Variants in CCT7 observed in about 807,000 individuals in gnomAD.
CCT7 encodes T-complex protein 1 subunit eta.
In CCT7, 16 loss-of-function variants were observed where a neutral mutation model predicts 56.6. The observed-to-expected ratio is 0.28, with a 90% CI of 0.19 to 0.43. The LOEUF (loss-of-function observed/expected upper bound fraction) is 0.43, where lower values mean the gene tolerates loss of function less well. Among genes scored for constraint, CCT7 ranks in the 20% least tolerant of loss-of-function variants. CCT7 has a pLI of 1.00. For missense variants in CCT7, 519 were observed against 685.6 expected (o/e 0.76, Z 2.71); for synonymous variants, 262 against 254.8 (o/e 1.03, Z -0.27).
At chr2:73,242,982 A>G (rs1341642645) in intron 3 of CCT7, 22 bp from the exon 4 acceptor site, 4 of 1,613,300 alleles carry the variant, frequency 2.5e-6, no homozygotes, top group South Asian at 1.1e-5. Flanking sequence ...GAAAACGTGT[A>G]TTTCCTGTCA....
At chr2:73,251,473 T>TTGGGGGGGGG in intron 11 of CCT7, 41 bp downstream of exon 11, 2 of 449,640 alleles carry the variant, frequency 4.4e-6, no homozygotes, top group African/African-American at 2.5e-5. Context: ...TTTGGGCGGG[T>TTGGGGGGGGG]GGGGCTAGAT....
chr2:73,250,516 G>A, intron 10 of CCT7, 78 bp downstream of exon 10: 1 of 1,539,658 alleles, frequency 6.5e-7, no homozygotes, highest in Non-Finnish European at 8.9e-7. Flanking sequence ...GGATTTGTGT[G>A]GTGATTCCTT....
At chr2:73,240,362 G>A (rs1426793234) in intron 2 of CCT7, 75 bp from the exon 3 acceptor site, 3 of 1,013,538 alleles carry the variant, frequency 3.0e-6, no homozygotes, top group East Asian at 2.5e-5. Context: ...CCAGTAAAGT[G>A]TAGATGGGTT....
chr2:73,252,614 C>T (rs1159611472), intron 11 of CCT7, 26 bp from the exon 12 acceptor site: 1 of 1,562,974 alleles, frequency 6.4e-7, no homozygotes, highest in Admixed American at 1.7e-5. Context: ...TTCCATATTA[C>T]CTCCTTTCTT....
At chr2:73,243,734 C>A in intron 4 of CCT7, 1 of 455,380 alleles carries the variant, frequency 2.2e-6, no homozygotes, top group Non-Finnish European at 3.9e-6. Flanking sequence ...AGCGTGTTAC[C>A]TGCAGACCCA....
At chr2:73,236,068 C>G (rs992170419) in intron 1 of CCT7, among the ~76,000 whole-genome samples, 1 of 152,198 alleles carries the variant, frequency 6.6e-6, no homozygotes, top group African/African-American at 2.4e-5. Context: ...CCCTGATATT[C>G]TAGAATACTT....
At position 73,252,845 on chromosome 2, in the gene CCT7, G is replaced by C. The variant is rs373577960; in HGVS notation, c.1616G>C (p.Arg539Pro). The C allele has an allele frequency of 2.2e-5, 36 of 1,613,478 alleles. No homozygotes were observed. The highest frequency in any genetic ancestry group is 3.0e-5 in the Non-Finnish European group (35 of 1,179,680). Residue 539 changes from arginine to proline, a missense_variant, in exon 12 of 12, where the codon CGT becomes CCT. Arg to Pro is a moderately radical substitution (Grantham distance 103). This residue lies in a region of CCT7 where 237 missense variants were observed against 300.8 expected (regional missense o/e 0.79). Coordinates refer to ENST00000258091, the MANE Select transcript of CCT7 (RefSeq NM_006429.4). ...APTAAGRGRG[R>P]GRPH ...ACAGCAGCAGGCCGGGGCCGTGGTC[G>C]TGGCCGCCCCCACTGAGAGGCACCC...
intron 1 of CCT7, among the ~76,000 whole-genome samples, chr2:73,237,336 G>A (rs570192574): frequency 6.6e-6 from 1 of 152,324 alleles, no homozygotes; most frequent in South Asian, 2.1e-4. Context: ...GTGAGAAAAA[G>A]TATACACAAG....
In CCT7 at chr2:73,244,064, G is replaced by GT. The variant is rs1432128478; in HGVS notation, c.446+15_446+16insT. ...GCAGATAAAGTGTAAGTCTGTAGTG[G>GT]GTTTTTTTTTTTTTTTTTAAAGAGA... On this transcript the variant is annotated intron_variant, in intron 5 of 11. Coordinates refer to ENST00000258091, the MANE Select transcript of CCT7 (RefSeq NM_006429.4). 6.3e-7 allele frequency: 1 copy of GT among 1,579,908 alleles called. No individual in the cohort carries two copies. The highest frequency in any genetic ancestry group is 8.6e-7 in the Non-Finnish European group (1 of 1,166,412).
chr2:73,242,707 C>G (rs1007312978), intron 3 of CCT7, among the ~76,000 whole-genome samples: 12 of 152,200 alleles, frequency 7.9e-5, no homozygotes, highest in African/African-American at 2.9e-4. Flanking sequence ...AACATAAGTT[C>G]TCAGTTCATG....
At chr2:73,235,241 A>G (rs1574350092) in intron 1 of CCT7, among the ~76,000 whole-genome samples, 2 of 152,180 alleles carry the variant, frequency 1.3e-5, no homozygotes, top group South Asian at 4.2e-4. Flanking sequence ...TCGGAGCTTT[A>G]GATACTTTCC....
At chr2:73,244,368 G>T in intron 5 of CCT7, 176 bp from the exon 6 acceptor site, 1 of 615,806 alleles carries the variant, frequency 1.6e-6, no homozygotes, top group South Asian at 2.2e-5. Context: ...CCACATATGA[G>T]ATCTTTGACT....
chr2:73,240,665 T>TATA, intron 3 of CCT7, 122 bp downstream of exon 3: 1 of 489,864 alleles, frequency 2.0e-6, no homozygotes, highest in Non-Finnish European at 3.5e-6. Flanking sequence ...AATACATGCT[T>TATA]ATAAAAGTAT....
rs1187358744 is a variant in CCT7 at position 73,252,834 on chromosome 2, G to GGGCCGTGGTCGT, written c.1611_1622dup (p.Gly538_Arg541dup). Reference sequence around the variant, plus strand: ...TGGATGCTCCCACAGCAGCAGGCCGGGGCCGTGGTCGTGGCCGCCCCCACT... The same window carrying GGGCCGTGGTCGT: ...TGGATGCTCCCACAGCAGCAGGCCGGGGCCGTGGTCGTGGCCGTGGTCGTGGCCGCCCCCACT... On this transcript the variant is annotated inframe_insertion, in exon 12 of 12. Transcript: ENST00000258091. 6.2e-7 allele frequency: 1 copy of GGGCCGTGGTCGT among 1,613,968 alleles called. No homozygotes were observed. Among genetic ancestry groups the GGGCCGTGGTCGT allele is most frequent in the African/African-American group, 1.3e-5 (1 of 75,048 alleles).
At chr2:73,240,628 A>AT in intron 3 of CCT7, 85 bp downstream of exon 3, 2 of 638,780 alleles carry the variant, frequency 3.1e-6, no homozygotes, top group Non-Finnish European at 5.0e-6. Flanking sequence ...TTTTTTTAAG[A>AT]TTTTATATAA....
At chr2:73,248,860 C>A in intron 7 of CCT7, 131 bp from the exon 8 acceptor site, 3 of 702,270 alleles carry the variant, frequency 4.3e-6, no homozygotes, top group East Asian at 2.8e-5. Context: ...AGTAGCTATT[C>A]TGTTTATCTC....
At chr2:73,238,028 A>G (rs1485278793) in intron 1 of CCT7, among the ~76,000 whole-genome samples, 1 of 152,184 alleles carries the variant, frequency 6.6e-6, no homozygotes. Flanking sequence ...TCTCTTAGAA[A>G]TATATATTAA....
intron 1 of CCT7, among the ~76,000 whole-genome samples, chr2:73,236,203 AC>A (rs1415031157): frequency 1.3e-5 from 2 of 152,250 alleles, no homozygotes; most frequent in Non-Finnish European, 2.9e-5. Context: ...GCATAGACAC[AC>A]TTGTTTTGTA....
At chr2:73,251,459 A>AC in intron 11 of CCT7, 27 bp downstream of exon 11, 2 of 515,404 alleles carry the variant, frequency 3.9e-6, no homozygotes, top group Non-Finnish European at 7.3e-6. Context: ...CCCAGGGTTC[A>AC]GGGTTTGGGC....
Sources: gnomAD v4.1 joint callset for allele counts (sites outside exome capture counted in the v4.1 genomes callset) on GRCh38, gnomAD v4.1.1 for gene constraint, gnomAD v4.1.1 regional missense constraint, MANE v1.5 for transcripts, NCBI Gene and HGNC (gene_info 2026-07-23, HGNC 2026-07-21) for gene names.